Variants in DCAF8L2 observed in about 807,000 individuals in gnomAD.
The protein encoded by DCAF8L2 is DDB1- and CUL4-associated factor 8-like protein 2.
For missense variants in DCAF8L2, 430 were observed against 490.7 expected, an observed-to-expected ratio of 0.88 and a Z score of 1.17; for synonymous variants, 200 against 190.9, an observed-to-expected ratio of 1.05 and a Z score of -0.39.
At chrX:27,722,877 C>T (rs1433354703) in intron 4 of DCAF8L2, among the ~76,000 whole-genome samples, 3 of 109,885 alleles carry the variant, frequency 2.7e-5, no homozygotes, top group East Asian at 2.8e-4. Flanking sequence ...AATAAGAAAG[C>T]GTAACTGTAA....
chrX:27,519,797 G>A, the DCAF8L2 span: 3 of 468,600 alleles, frequency 6.4e-6, no homozygotes, highest in Non-Finnish European at 3.8e-6. Flanking sequence ...TTTTTTTAAA[G>A]GTTAAATACG....
At chrX:27,662,089 C>T (rs1242754587) in intron 2 of DCAF8L2, among the ~76,000 whole-genome samples, 1 of 111,359 alleles carries the variant, frequency 9.0e-6, no homozygotes, top group Non-Finnish European at 1.9e-5. Flanking sequence ...ATTTAGGACA[C>T]TTAGGGATAA....
intron 3 of DCAF8L2, among the ~76,000 whole-genome samples, chrX:27,692,384 T>C (rs1210322507): frequency 8.9e-6 from 1 of 112,054 alleles, no homozygotes; most frequent in Admixed American, 9.5e-5. Flanking sequence ...AGATTGGCAG[T>C]TGAAATGAAT....
In DCAF8L2 at chrX:27,749,622, C is replaced by G. The variant is rs767890054; in HGVS notation, c.*831C>G. Reference sequence around the variant, plus strand: ...TCTTGAAGTTTTAAGGTTGGGAACTCCCACAGGGTTACCTTCCAGGAAGTC... The same window carrying G: ...TCTTGAAGTTTTAAGGTTGGGAACTGCCACAGGGTTACCTTCCAGGAAGTC... On this transcript the variant is annotated 3_prime_UTR_variant, in exon 5 of 5. Transcript: ENST00000451261. Among the ~76,000 whole-genome samples, 14 of 112,112 alleles carry G rather than the reference C, an allele frequency of 1.2e-4. No individual in the cohort carries two copies. Among genetic ancestry groups the G allele is most frequent in the Non-Finnish European group, 2.4e-4 (13 of 53,197 alleles).
the DCAF8L2 span, among the ~76,000 whole-genome samples, chrX:27,555,305 G>C: frequency 1.8e-5 from 2 of 112,241 alleles, no homozygotes; most frequent in African/African-American, 6.5e-5. Context: ...GCAGATTGAC[G>C]TGTGAGTGGG....
the DCAF8L2 span, among the ~76,000 whole-genome samples, chrX:27,488,891 C>A: frequency 2.7e-4 from 30 of 109,441 alleles, 1 homozygote; most frequent in African/African-American, 1.0e-3. Context: ...GGTCTTCAAG[C>A]GATCCTCCCA....
At chrX:27,496,529 G>A in the DCAF8L2 span, among the ~76,000 whole-genome samples, 2 of 111,251 alleles carry the variant, frequency 1.8e-5, no homozygotes, top group African/African-American at 3.3e-5. Context: ...GGCTTCTTTC[G>A]CTTGCATGTG....
chrX:27,718,636 A>C (rs895739698), intron 4 of DCAF8L2, among the ~76,000 whole-genome samples: 2 of 111,407 alleles, frequency 1.8e-5, no homozygotes, highest in African/African-American at 6.5e-5. Context: ...CTGAAGGCCT[A>C]AGTAGAAAAA....
chrX:27,538,495 G>A, the DCAF8L2 span, among the ~76,000 whole-genome samples: 2 of 110,741 alleles, frequency 1.8e-5, no homozygotes, highest in Non-Finnish European at 3.8e-5. Context: ...CCAGGTTCAA[G>A]TGATTCTCCT....
At chrX:27,669,625 G>A (rs1486381291) in intron 2 of DCAF8L2, among the ~76,000 whole-genome samples, 31 of 86,351 alleles carry the variant, frequency 3.6e-4, no homozygotes, top group Non-Finnish European at 1.3e-4. Context: ...TCCCTCCCCC[G>A]CCCCCGCTCC....
At chrX:27,569,966 A>C in the DCAF8L2 span, among the ~76,000 whole-genome samples, 1 of 112,004 alleles carries the variant, frequency 8.9e-6, no homozygotes, top group African/African-American at 3.2e-5. Context: ...ATCATATAAA[A>C]ATTGCCAAGA....
the DCAF8L2 span, among the ~76,000 whole-genome samples, chrX:27,489,377 G>A: frequency 8.9e-6 from 1 of 112,551 alleles, no homozygotes; most frequent in Non-Finnish European, 1.9e-5. Flanking sequence ...GATTACAGGC[G>A]TGAGCCACCA....
At chrX:27,514,150 A>G in the DCAF8L2 span, among the ~76,000 whole-genome samples, 1 of 109,066 alleles carries the variant, frequency 9.2e-6, no homozygotes, top group Non-Finnish European at 1.9e-5. Context: ...ATGTATATGT[A>G]TGTGTGTGCA....
chrX:27,736,387 C>T (rs907414970), intron 4 of DCAF8L2, among the ~76,000 whole-genome samples: 2 of 111,697 alleles, frequency 1.8e-5, no homozygotes, highest in African/African-American at 6.5e-5. Flanking sequence ...CATTTATTTT[C>T]AACAAATCTT....
At chrX:27,654,803 T>C (rs1041359286) in intron 2 of DCAF8L2, among the ~76,000 whole-genome samples, 6 of 112,205 alleles carry the variant, frequency 5.3e-5, no homozygotes, top group Admixed American at 2.9e-4. Flanking sequence ...CATTTACTTA[T>C]ACTTTGATTT....
At chrX:27,512,112 T>TAA in the DCAF8L2 span, among the ~76,000 whole-genome samples, 5 of 107,072 alleles carry the variant, frequency 4.7e-5, no homozygotes, top group African/African-American at 1.4e-4. Flanking sequence ...ACATAAAAAA[T>TAA]AAAAAAAAAT....
the DCAF8L2 span, among the ~76,000 whole-genome samples, chrX:27,516,677 A>AT: frequency 1.8e-5 from 2 of 111,551 alleles, no homozygotes; most frequent in African/African-American, 6.5e-5. Context: ...GGAAAATGAA[A>AT]TTTCAAAAGT....
the DCAF8L2 span, among the ~76,000 whole-genome samples, chrX:27,581,379 T>A: frequency 1.8e-5 from 2 of 111,989 alleles, no homozygotes; most frequent in African/African-American, 6.5e-5. Context: ...TCTGTTTCCA[T>A]GTGTTGTGTA....
At chrX:27,502,118 C>T in the DCAF8L2 span, among the ~76,000 whole-genome samples, 4 of 104,235 alleles carry the variant, frequency 3.8e-5, no homozygotes, top group Non-Finnish European at 5.9e-5. Context: ...GTCAGGAGTT[C>T]GAGACCAGCC....
Sources: allele counts gnomAD v4.1 joint callset (sites outside exome capture counted in the v4.1 genomes callset), GRCh38; gene constraint gnomAD v4.1.1; transcripts MANE v1.5; gene names NCBI Gene and HGNC (gene_info 2026-07-23, HGNC 2026-07-21).